Variants in ATF7IP observed in about 807,000 individuals in gnomAD.
ATF7IP encodes activating transcription factor 7 interacting protein, also known as activating transcription factor 7-interacting protein 1.
ATF7IP carries 23 observed loss-of-function variants against 106.4 expected under a neutral mutation model. The ratio of observed to expected loss-of-function variants is 0.22; its 90% CI spans 0.16 to 0.31. ATF7IP has a LOEUF of 0.31. ATF7IP is among the 10% of genes least tolerant of loss of function. The pLI is 1.00. For synonymous variants in ATF7IP, 542 were observed against 539.0 expected (o/e 1.01, Z -0.08); for missense variants, 1,334 against 1,524.3 (o/e 0.88, Z 2.08).
chr12:14,395,461 C>T (rs1041782701), intron 1 of ATF7IP, among the ~76,000 whole-genome samples: 1 of 151,992 alleles, frequency 6.6e-6, no homozygotes, highest in South Asian at 2.1e-4. Context: ...CTCAAAATTC[C>T]TTCACATTTG....
chr12:14,368,451 G>A (rs1360748951), intron 1 of ATF7IP, among the ~76,000 whole-genome samples: 1 of 152,120 alleles, frequency 6.6e-6, no homozygotes, highest in African/African-American at 2.4e-5. Context: ...AGAATTTACT[G>A]TGATTTATTA....
chr12:14,413,248 C>T (rs1441617400), intron 1 of ATF7IP, among the ~76,000 whole-genome samples: 1 of 152,120 alleles, frequency 6.6e-6, no homozygotes, highest in Non-Finnish European at 1.5e-5. Context: ...TGAGTGAATT[C>T]TGCTCTTAAT....
Position 14,422,312 on chromosome 12 carries a change from T to TACACAC in ATF7IP, c.-7-1557_-7-1552dup, listed in dbSNP as rs59503201. ...AGCACAACTTACCAAAAAAAGAGAA[T>TACACAC]ACACACACACACACACACACACACA... is the stretch of plus-strand genomic sequence containing the variant. On this transcript the variant is annotated intron_variant, in intron 1 of 14. Coordinates refer to ENST00000261168, the MANE Select transcript of ATF7IP (RefSeq NM_018179.5). 5.2e-3 allele frequency among the ~76,000 whole-genome samples: 741 copies of TACACAC among 142,326 alleles called. 6 individuals are homozygous for TACACAC. The highest frequency in any genetic ancestry group is 0.011 in the Middle Eastern group (3 of 276). The allele number at this position is 142,326 out of a possible 152,430, so 93.4% of individuals were successfully genotyped here.
chr12:14,459,591 G>C (rs1943562485), intron 8 of ATF7IP, among the ~76,000 whole-genome samples: 1 of 152,156 alleles, frequency 6.6e-6, no homozygotes, highest in Non-Finnish European at 1.5e-5. Context: ...TATTTAAACA[G>C]TCAAATAATG....
intron 13 of ATF7IP, among the ~76,000 whole-genome samples, chr12:14,487,016 G>C: frequency 6.6e-6 from 1 of 152,074 alleles, no homozygotes; most frequent in South Asian, 2.1e-4. Flanking sequence ...TTAGTCTTTG[G>C]ATCCCTTCCT....
At chr12:14,444,949 TAATATTATGCATACTATGC>T (rs1332865704) in intron 5 of ATF7IP, among the ~76,000 whole-genome samples, 7 of 151,472 alleles carry the variant, frequency 4.6e-5, no homozygotes, top group African/African-American at 1.7e-4. Flanking sequence ...AATAGAATAA[TAATATTATGCATACTATGC>T]AATTTTTAGT....
Position 14,461,113 on chromosome 12 carries a change from G to A in ATF7IP, c.2777G>A (p.Ser926Asn). The A allele has an allele frequency of 6.2e-7, 1 of 1,612,210 alleles. No homozygotes were observed. Among genetic ancestry groups the A allele is most frequent in the South Asian group, 1.1e-5 (1 of 90,986 alleles). The change falls in exon 9 of 15, where the codon AGC (serine) becomes AAC (asparagine). Residue 926 changes from serine to asparagine, a missense_variant. Coordinates refer to ENST00000261168, the MANE Select transcript of ATF7IP (RefSeq NM_018179.5). ...FSTSSAAEQN[S>N]NTTPRIENQT... The stretch of plus-strand genomic sequence containing the variant: ...ACTTCGTCTGCTGCAGAACAGAACA[G>A]CAATACCACCCCAAGAATTGGTAAG...
chr12:14,457,619 A>G (rs1943479877), intron 8 of ATF7IP, among the ~76,000 whole-genome samples: 2 of 152,154 alleles, frequency 1.3e-5, no homozygotes, highest in Admixed American at 6.5e-5. Context: ...TAGATATTCA[A>G]ATCTCTATTG....
rs1166381394 is a variant in ATF7IP, at chr12:14,438,201, A to G, written c.1863A>G (p.Glu621=). 2 of 1,613,260 alleles carry G rather than the reference A, an allele frequency of 1.2e-6. No individual in the cohort carries two copies. Among genetic ancestry groups the G allele is most frequent in the African/African-American group, 2.7e-5 (2 of 74,920 alleles). Reference sequence around the variant, plus strand: ...CTGTATTTGATAAGACTTTGGCAGAATTGAAAACACGAGTGGAAAAGATTG... The same window carrying G: ...CTGTATTTGATAAGACTTTGGCAGAGTTGAAAACACGAGTGGAAAAGATTG... ...QCAVFDKTLA[E]LKTRVEKIEC... Residue 621 remains glutamate (E), a synonymous_variant, in exon 5 of 15, where the codon GAA becomes GAG. Transcript: ENST00000261168.
intron 6 of ATF7IP, among the ~76,000 whole-genome samples, chr12:14,449,188 A>G (rs957042969): frequency 6.6e-6 from 1 of 152,022 alleles, no homozygotes; most frequent in Admixed American, 6.6e-5. Context: ...TACCTGTGCT[A>G]TTAGTGTCAT....
chr12:14,461,708 G>A (rs1372866053), intron 9 of ATF7IP, among the ~76,000 whole-genome samples: 1 of 152,068 alleles, frequency 6.6e-6, no homozygotes, highest in Non-Finnish European at 1.5e-5. Context: ...ATTGCAAAAA[G>A]GAGCACTTGA....
intron 1 of ATF7IP, among the ~76,000 whole-genome samples, chr12:14,389,785 G>A (rs1052056926): frequency 1.3e-5 from 2 of 152,064 alleles, no homozygotes; most frequent in African/African-American, 2.4e-5. Context: ...GCACCACCAC[G>A]CCCGGCTAAT....
intron 1 of ATF7IP, among the ~76,000 whole-genome samples, chr12:14,410,613 T>C (rs1565488694): frequency 6.6e-6 from 1 of 152,176 alleles, no homozygotes; most frequent in African/African-American, 2.4e-5. Flanking sequence ...GAAAGAATCA[T>C]ATGCTGAGGT....
chr12:14,396,998 T>A (rs71459152), intron 1 of ATF7IP, among the ~76,000 whole-genome samples: 3,087 of 152,124 alleles, frequency 0.02, 33 homozygotes, highest in Middle Eastern at 0.031. Flanking sequence ...CCGTTTCTAC[T>A]AAAAATACAA....
At chr12:14,440,581 A>G (rs1185294136) in intron 5 of ATF7IP, among the ~76,000 whole-genome samples, 2 of 152,044 alleles carry the variant, frequency 1.3e-5, no homozygotes, top group African/African-American at 2.4e-5. Context: ...ATTTAATTCC[A>G]TCTCTTTGTG....
intron 1 of ATF7IP, among the ~76,000 whole-genome samples, chr12:14,370,238 C>G (rs1335465483): frequency 1.3e-5 from 2 of 152,058 alleles, no homozygotes; most frequent in Non-Finnish European, 1.5e-5. Flanking sequence ...GCCTGGCCTC[C>G]TATGTGCATT....
intron 9 of ATF7IP, among the ~76,000 whole-genome samples, chr12:14,465,304 T>G (rs34452265): frequency 0.02 from 3,004 of 152,180 alleles, 31 homozygotes; most frequent in Middle Eastern, 0.034. Flanking sequence ...AAAGTTATCT[T>G]TTATTTTGAT....
intron 1 of ATF7IP, among the ~76,000 whole-genome samples, chr12:14,389,934 A>G (rs1012033070): frequency 1.3e-5 from 2 of 152,170 alleles, no homozygotes; most frequent in Non-Finnish European, 2.9e-5. Flanking sequence ...CCATTTCTCT[A>G]ATTGTTAACA....
At chr12:14,445,007 T>C (rs1014493413) in intron 5 of ATF7IP, among the ~76,000 whole-genome samples, 2 of 151,182 alleles carry the variant, frequency 1.3e-5, no homozygotes, top group Non-Finnish European at 3.0e-5. Flanking sequence ...TTTTTTTTTT[T>C]TTGAGACAGA....
Sources: gnomAD v4.1 joint callset for allele counts (sites outside exome capture counted in the v4.1 genomes callset) on GRCh38, gnomAD v4.1.1 for gene constraint, MANE v1.5 for transcripts, NCBI Gene and HGNC (gene_info 2026-07-23, HGNC 2026-07-21) for gene names.